The following RNF13 variants were observed in gnomAD, a reference collection of about 807,000 sequenced individuals.
RNF13 encodes the protein E3 ubiquitin-protein ligase RNF13.
RNF13 carries 19 observed loss-of-function variants against 37.7 expected under a neutral mutation model. The ratio of observed to expected loss-of-function variants is 0.50; its 90% CI spans 0.35 to 0.74. RNF13 has a LOEUF of 0.74. Among genes scored for constraint, RNF13 ranks in the 30% least tolerant of loss-of-function variants. The pLI is 0.01. For synonymous variants in RNF13, 144 were observed against 157.8 expected, an observed-to-expected ratio of 0.91 and a Z score of 0.65; for missense variants, 375 against 453.0, an observed-to-expected ratio of 0.83 and a Z score of 1.56.
intron 3 of RNF13, 78 bp from the exon 4 acceptor site, chr3:149,871,951 C>T (rs1451020857): frequency 2.1e-5 from 27 of 1,291,010 alleles, no homozygotes; most frequent in South Asian, 3.1e-5. Context: ...CATGACAAAT[C>T]GAAAAGATAT....
intron 3 of RNF13, among the ~76,000 whole-genome samples, chr3:149,855,021 A>G (rs1209272307): frequency 2.0e-5 from 3 of 152,170 alleles, no homozygotes; most frequent in African/African-American, 7.2e-5. Context: ...TGTCTACTGC[A>G]ATAATTACCC....
intron 4 of RNF13, among the ~76,000 whole-genome samples, chr3:149,876,665 C>T (rs1210943173): frequency 1.3e-5 from 2 of 151,832 alleles, no homozygotes. Flanking sequence ...GGCATGTCCT[C>T]CTTCTACTTG....
intron 7 of RNF13, 73 bp downstream of exon 7, chr3:149,912,156 GAATTTA>G: frequency 5.5e-6 from 4 of 731,838 alleles, no homozygotes; most frequent in Non-Finnish European, 9.5e-6. Context: ...TTGAGTGAGA[GAATTTA>G]AACAATGTGT....
chr3:149,951,406 T>C (rs773520627), intron 8 of RNF13, among the ~76,000 whole-genome samples: 1 of 152,188 alleles, frequency 6.6e-6, no homozygotes, highest in Non-Finnish European at 1.5e-5. Context: ...CATGAGTTAT[T>C]TGAAAAGGAA....
At chr3:149,949,719 T>C (rs1721125767) in intron 8 of RNF13, among the ~76,000 whole-genome samples, 1 of 151,576 alleles carries the variant, frequency 6.6e-6, no homozygotes, top group African/African-American at 2.4e-5. Flanking sequence ...CTCTTCATTT[T>C]CCTTCATTCT....
chr3:149,916,099 A>T (rs914076320), intron 7 of RNF13, among the ~76,000 whole-genome samples: 20 of 150,766 alleles, frequency 1.3e-4, no homozygotes, highest in Admixed American at 7.3e-4. Context: ...TTTTTTTTTT[A>T]AAGAAAATTG....
intron 1 of RNF13, among the ~76,000 whole-genome samples, chr3:149,841,160 T>C (rs1348184230): frequency 6.6e-6 from 1 of 152,230 alleles, no homozygotes; most frequent in Non-Finnish European, 1.5e-5. Flanking sequence ...CCATAAATAA[T>C]ATTGCCTAGT....
chr3:149,923,779 A>AG (rs1488706264), intron 8 of RNF13, among the ~76,000 whole-genome samples: 2 of 152,030 alleles, frequency 1.3e-5, no homozygotes, highest in East Asian at 1.9e-4. Context: ...AAAAAAAAAA[A>AG]AAAAGAAAAG....
At chr3:149,889,385 A>G (rs149261340) in intron 4 of RNF13, among the ~76,000 whole-genome samples, 1,800 of 144,646 alleles carry the variant, frequency 0.012, 31 homozygotes, top group African/African-American at 0.044. Context: ...GCTCACTGCA[A>G]CCTCCACCTC....
At chr3:149,951,408 G>GA (rs768505005) in intron 8 of RNF13, among the ~76,000 whole-genome samples, 7 of 152,312 alleles carry the variant, frequency 4.6e-5, no homozygotes, top group Non-Finnish European at 8.8e-5. Flanking sequence ...TGAGTTATTT[G>GA]AAAAGGAACT....
intron 5 of RNF13, among the ~76,000 whole-genome samples, chr3:149,899,316 G>A (rs972173039): frequency 3.3e-5 from 5 of 151,998 alleles, no homozygotes; most frequent in Non-Finnish European, 7.4e-5. Context: ...GTGTGGTGGC[G>A]TGCATGCCTG....
intron 2 of RNF13, among the ~76,000 whole-genome samples, chr3:149,846,692 G>A (rs1722670836): frequency 6.6e-6 from 1 of 152,204 alleles, no homozygotes; most frequent in Non-Finnish European, 1.5e-5. Flanking sequence ...ATGAGGGTAT[G>A]TGTGCACATG....
chr3:149,940,184 G>A (rs1720112030), intron 8 of RNF13, among the ~76,000 whole-genome samples: 1 of 151,866 alleles, frequency 6.6e-6, no homozygotes, highest in Non-Finnish European at 1.5e-5. Context: ...ATTTATATGT[G>A]TGTATGTATT....
At chr3:149,830,752 A>G (rs962517817) in intron 1 of RNF13, among the ~76,000 whole-genome samples, 2 of 151,724 alleles carry the variant, frequency 1.3e-5, no homozygotes, top group African/African-American at 4.9e-5. Context: ...GTTAATTGCC[A>G]AGAAAATAGG....
chr3:149,906,833 A>G (rs1271978883), intron 6 of RNF13, among the ~76,000 whole-genome samples: 3 of 151,440 alleles, frequency 2.0e-5, no homozygotes, highest in Admixed American at 6.6e-5. Flanking sequence ...TTGTATTTTT[A>G]GTAGAGCTGG....
At chr3:149,868,077 C>T (rs1711556291) in intron 3 of RNF13, among the ~76,000 whole-genome samples, 1 of 151,510 alleles carries the variant, frequency 6.6e-6, no homozygotes, top group East Asian at 1.9e-4. Flanking sequence ...TAACTGTGTC[C>T]CTCATATTTT....
At chr3:149,826,572 G>A (rs953278448) in intron 1 of RNF13, among the ~76,000 whole-genome samples, 5 of 152,238 alleles carry the variant, frequency 3.3e-5, no homozygotes, top group African/African-American at 7.2e-5. Context: ...AAGTAGAACA[G>A]ATTTCTCTTA....
intron 1 of RNF13, among the ~76,000 whole-genome samples, chr3:149,837,867 A>G (rs1404045963): frequency 6.6e-6 from 1 of 152,194 alleles, no homozygotes; most frequent in African/African-American, 2.4e-5. Context: ...TTAACTCAAA[A>G]GTCCACATTC....
chr3:149,853,354 C>T (rs1349129399), intron 3 of RNF13, among the ~76,000 whole-genome samples: 2 of 151,826 alleles, frequency 1.3e-5, no homozygotes, highest in Non-Finnish European at 2.9e-5. Flanking sequence ...TTTCCCTATA[C>T]CCTCTTAAAT....
Sources: gnomAD v4.1 joint callset for allele counts (sites outside exome capture counted in the v4.1 genomes callset) on GRCh38, gnomAD v4.1.1 for gene constraint, MANE v1.5 for transcripts, NCBI Gene and HGNC (gene_info 2026-07-23, HGNC 2026-07-21) for gene names.